GLIS2: variants seen among roughly 807,000 people sequenced by gnomAD.
GLIS2 encodes the protein zinc finger protein GLIS2.
A neutral mutation model predicts 35.6 loss-of-function variants in GLIS2; 14 were observed. The ratio of observed to expected loss-of-function variants is 0.39; its 90% CI spans 0.26 to 0.61. The LOEUF is 0.61. GLIS2 is among the 20% of genes least tolerant of loss of function. The pLI is 0.48. For missense variants in GLIS2, 675 were observed against 713.4 expected, an observed-to-expected ratio of 0.95 and a Z score of 0.61; for synonymous variants, 368 against 325.1, an observed-to-expected ratio of 1.13 and a Z score of -1.42.
chr16:4,333,137 C>T (rs997405065), intron 2 of GLIS2, among the ~76,000 whole-genome samples: 1 of 152,156 alleles, frequency 6.6e-6, no homozygotes, highest in Non-Finnish European at 1.5e-5. Context: ...CCCCGGCTCA[C>T]GGGGGCCAAG....
intron 1 of GLIS2, among the ~76,000 whole-genome samples, chr16:4,331,330 G>T (rs1442056790): frequency 6.6e-6 from 1 of 152,120 alleles, no homozygotes; most frequent in Non-Finnish European, 1.5e-5. Context: ...GTGCCTTAAG[G>T]ACACGCTCCT....
chr16:4,326,921 C>T (rs1192389371), intron 1 of GLIS2, among the ~76,000 whole-genome samples: 2 of 152,116 alleles, frequency 1.3e-5, no homozygotes, highest in Admixed American at 6.5e-5. Flanking sequence ...CCACCACGCC[C>T]GGCTAATTTT....
At chr16:4,314,989 G>C (rs1040688491), upstream of GLIS2, 1 of 152,338 alleles carries the variant, frequency 6.6e-6, no homozygotes, top group Non-Finnish European at 1.5e-5. Context: ...TTCAACACGA[G>C]GCAGAAAACA....
At position 4,334,899 on chromosome 16, in the gene GLIS2, C is replaced by T. The variant is rs779089679; in HGVS notation, c.444C>T (p.Ser148=). Residue 148 remains serine, a synonymous_variant, in exon 4 of 7, where the codon TCC becomes TCT. Coordinates refer to ENST00000433375, the MANE Select transcript of GLIS2 (RefSeq NM_032575.3). ...GGGCCCTGCACCTGCCTGCCTCCTC[C>T]TTCCTTACCCCTCCCAAGGACAAGT... ...SGGALHLPAS[S]FLTPPKDKCL... The T allele has an allele frequency of 1.2e-5, 19 of 1,613,102 alleles. No individual in the cohort carries two copies. The highest frequency in any genetic ancestry group is 2.7e-5 in the African/African-American group (2 of 74,918).
chr16:4,330,833 C>T (rs1406347651), intron 1 of GLIS2, among the ~76,000 whole-genome samples: 1 of 152,256 alleles, frequency 6.6e-6, no homozygotes, highest in Non-Finnish European at 1.5e-5. Context: ...CAAAACTGGC[C>T]ATAAATAAAA....
chr16:4,317,921 CCT>C (rs2053332986), intron 1 of GLIS2, among the ~76,000 whole-genome samples: 1 of 152,186 alleles, frequency 6.6e-6, no homozygotes, highest in South Asian at 2.1e-4. Flanking sequence ...CCCGCCCTTC[CCT>C]GTCTGTGACC....
At chr16:4,317,897 AC>A (rs1009496620) in intron 1 of GLIS2, among the ~76,000 whole-genome samples, 2 of 151,668 alleles carry the variant, frequency 1.3e-5, no homozygotes, top group African/African-American at 2.4e-5. Context: ...ATTAGCGCTG[AC>A]CCCCTGTGCC....
intron 1 of GLIS2, among the ~76,000 whole-genome samples, chr16:4,321,017 C>T (rs2053373662): frequency 6.6e-6 from 1 of 152,174 alleles, no homozygotes; most frequent in South Asian, 2.1e-4. Context: ...TGGAGGCTGT[C>T]CCCGGCTTCT....
intron 1 of GLIS2, among the ~76,000 whole-genome samples, chr16:4,318,578 G>T (rs2053340658): frequency 6.6e-6 from 1 of 152,228 alleles, no homozygotes; most frequent in South Asian, 2.1e-4. Flanking sequence ...CCCTTGCAGG[G>T]AGGACAAGTA....
At chr16:4,318,076 G>T (rs1567215517) in intron 1 of GLIS2, among the ~76,000 whole-genome samples, 1 of 152,162 alleles carries the variant, frequency 6.6e-6, no homozygotes, top group African/African-American at 2.4e-5. Flanking sequence ...CAATGGGGAG[G>T]GGGTGCCCTG....
chr16:4,329,801 A>G (rs2053478328), intron 1 of GLIS2, among the ~76,000 whole-genome samples: 1 of 152,254 alleles, frequency 6.6e-6, no homozygotes, highest in African/African-American at 2.4e-5. Context: ...GGGATCTCAC[A>G]GCGTGATTGT....
At chr16:4,317,854 C>A (rs1379899186) in intron 1 of GLIS2, among the ~76,000 whole-genome samples, 3 of 152,144 alleles carry the variant, frequency 2.0e-5, no homozygotes, top group Non-Finnish European at 4.4e-5. Context: ...TTTTTCTTAG[C>A]CTTTCCTCCT....
At chr16:4,329,917 G>T (rs2053480065) in intron 1 of GLIS2, among the ~76,000 whole-genome samples, 1 of 152,192 alleles carries the variant, frequency 6.6e-6, no homozygotes. Flanking sequence ...TGAAGTTTGG[G>T]TTTAGAATGA....
At chr16:4,318,612 G>C (rs1159031367) in intron 1 of GLIS2, among the ~76,000 whole-genome samples, 3 of 152,180 alleles carry the variant, frequency 2.0e-5, no homozygotes, top group Admixed American at 1.3e-4. Flanking sequence ...GAACAGGCCG[G>C]AGGGAAAACA....
At position 4,337,292 on chromosome 16, in the gene GLIS2, G is replaced by T; in HGVS notation, c.1343G>T (p.Arg448Leu). The T allele has an allele frequency of 3.2e-6, 5 of 1,555,322 alleles. No homozygotes were observed. Among genetic ancestry groups the T allele is most frequent in the Non-Finnish European group, 2.6e-6 (3 of 1,151,320 alleles). ...AGGKAEGEKG[R>L]GSVPTRALGM... Reference sequence around the variant, plus strand: ...GGCAAGGCCGAGGGGGAGAAGGGGCGTGGGTCGGTGCCCACCAGGGCCCTG... The same window carrying T: ...GGCAAGGCCGAGGGGGAGAAGGGGCTTGGGTCGGTGCCCACCAGGGCCCTG... Residue 448 changes from arginine to leucine, a missense_variant, in exon 7 of 7, where the codon CGT (arginine) becomes CTT (leucine). Arg to Leu is a moderately radical substitution (Grantham distance 102). Transcript: ENST00000433375.
At chr16:4,322,621 G>GC (rs5815203) in intron 1 of GLIS2, among the ~76,000 whole-genome samples, 6,140 of 148,476 alleles carry the variant, frequency 0.041, 145 homozygotes, top group Admixed American at 0.082. Flanking sequence ...TGCAGGAGCA[G>GC]CCCCCCCCCT....
chr16:4,317,734 C>T (rs1208620901), intron 1 of GLIS2, among the ~76,000 whole-genome samples: 1 of 152,136 alleles, frequency 6.6e-6, no homozygotes, highest in Non-Finnish European at 1.5e-5. Flanking sequence ...CATTTCACTG[C>T]CCACCTCCAG....
intron 3 of GLIS2, among the ~76,000 whole-genome samples, chr16:4,333,768 C>G (rs2053521768): frequency 1.3e-5 from 2 of 152,152 alleles, no homozygotes; most frequent in South Asian, 4.2e-4. Context: ...CCTGTCTTCA[C>G]ACGGTCTTTG....
At chr16:4,317,273 C>T (rs114514924) in intron 1 of GLIS2, among the ~76,000 whole-genome samples, 3 of 152,162 alleles carry the variant, frequency 2.0e-5, no homozygotes, top group East Asian at 1.9e-4. Context: ...ACTGAGGGGG[C>T]AGCCAGGCCG....
Sources: allele counts gnomAD v4.1 joint callset (sites outside exome capture counted in the v4.1 genomes callset), GRCh38; gene constraint gnomAD v4.1.1; transcripts MANE v1.5; gene names NCBI Gene and HGNC (gene_info 2026-07-23, HGNC 2026-07-21).